Variants in HDAC9 observed in about 807,000 individuals in gnomAD.
The protein encoded by HDAC9 is histone deacetylase 9, also known as MEF-2 interacting transcription repressor (MITR) protein.
HDAC9 carries 41 observed loss-of-function variants against 139.4 expected under a neutral mutation model. That is an observed-to-expected ratio of 0.29 (90% CI 0.23 to 0.38). HDAC9 has a LOEUF of 0.38. Among genes scored for constraint, HDAC9 ranks in the 10% least tolerant of loss-of-function variants. The pLI is 1.00. For missense variants in HDAC9, 1,147 were observed against 1,297.0 expected, an observed-to-expected ratio of 0.88 and a Z score of 1.78; for synonymous variants, 517 against 476.2, an observed-to-expected ratio of 1.09 and a Z score of -1.12.
chr7:18,446,338 A>G (rs1316231117), intron 1 of HDAC9, among the ~76,000 whole-genome samples: 3 of 152,214 alleles, frequency 2.0e-5, no homozygotes, highest in Non-Finnish European at 4.4e-5. Flanking sequence ...GCCATGCATC[A>G]GCATTGGTCA....
chr7:18,580,563 C>T (rs1376693221), intron 2 of HDAC9, among the ~76,000 whole-genome samples: 4 of 152,122 alleles, frequency 2.6e-5, no homozygotes, highest in Admixed American at 2.6e-4. Flanking sequence ...TTACATGTGT[C>T]ACAAGGTCTT....
chr7:18,412,881 T>C (rs1788703715), intron 1 of HDAC9, among the ~76,000 whole-genome samples: 2 of 152,236 alleles, frequency 1.3e-5, no homozygotes, highest in Non-Finnish European at 2.9e-5. Flanking sequence ...GATTATTTAT[T>C]TTTTAAAATT....
At position 18,305,075 on chromosome 7, in the gene HDAC9, G is replaced by A. The variant is rs1798820299; in HGVS notation, c.-42+14560G>A. The stretch of plus-strand genomic sequence containing the variant: ...CTCACACACTCTTCCTTCAGGGCAG[G>A]AAGACCTTCTCTGACCCACCAATCT... On this transcript the variant is annotated intron_variant, in intron 1 of 3. Coordinates refer to the HDAC9 transcript ENST00000413509. Among the ~76,000 whole-genome samples, 3 of 152,164 alleles carry A rather than the reference G, an allele frequency of 2.0e-5. No individual in the cohort carries two copies. In the South Asian group the frequency reaches 6.2e-4, roughly 32 times the overall value.
intron 1 of HDAC9, among the ~76,000 whole-genome samples, chr7:18,482,789 G>C (rs1320893494): frequency 6.6e-6 from 1 of 152,166 alleles, no homozygotes; most frequent in Non-Finnish European, 1.5e-5. Context: ...CAGCTCATGG[G>C]TGTCCTGTCC....
intron 6 of HDAC9, among the ~76,000 whole-genome samples, chr7:18,627,398 C>T (rs931790664): frequency 7.2e-5 from 11 of 152,078 alleles, no homozygotes; most frequent in African/African-American, 2.7e-4. Flanking sequence ...GTAGTTAGCA[C>T]CTAGGGATTC....
chr7:18,979,051 A>G (rs562147100), intron 25 of HDAC9, among the ~76,000 whole-genome samples: 3 of 152,312 alleles, frequency 2.0e-5, no homozygotes, highest in East Asian at 3.9e-4. Context: ...AACAAAATCC[A>G]GAATAGTTGT....
chr7:18,721,041 A>G (rs1244921808), intron 12 of HDAC9, among the ~76,000 whole-genome samples: 1 of 152,014 alleles, frequency 6.6e-6, no homozygotes, highest in Non-Finnish European at 1.5e-5. Flanking sequence ...CTTCTTCTAC[A>G]AAAATGTAGT....
At chr7:18,382,743 C>A (rs927418339) in intron 1 of HDAC9, among the ~76,000 whole-genome samples, 1 of 152,118 alleles carries the variant, frequency 6.6e-6, no homozygotes, top group African/African-American at 2.4e-5. Context: ...ATGTAAAATA[C>A]ATATAAAAGT....
At chr7:18,718,543 C>G (rs1784887697) in intron 12 of HDAC9, among the ~76,000 whole-genome samples, 1 of 152,076 alleles carries the variant, frequency 6.6e-6, no homozygotes, top group African/African-American at 2.4e-5. Context: ...GGTGTGTGGT[C>G]TTTTGTGACT....
In HDAC9 at chr7:18,591,471, GTGTA is replaced by G. The variant is rs757370790; in HGVS notation, c.416-41_416-38del. The G allele has an allele frequency of 2.6e-4, 380 of 1,486,432 alleles. No homozygotes were observed. The African/African-American group carries it at 4.5e-3, about 18-fold the overall frequency. 92.1% of individuals were successfully genotyped at this position (1,486,432 alleles called of 1,614,324 possible). On this transcript the variant is annotated intron_variant, in intron 4 of 25. Coordinates refer to ENST00000686413, the MANE Select transcript of HDAC9 (RefSeq NM_178425.4). ...TCACCATCAACATCTGTTTCTGTGTGTGTATGTGTGTGTGTGTGTGTGTGTGTGT... is the reference window on the plus strand; with the variant it reads ...TCACCATCAACATCTGTTTCTGTGTGTGTGTGTGTGTGTGTGTGTGTGTGT...
At chr7:18,274,113 A>G (rs1364283061) in intron 2 of HDAC9, among the ~76,000 whole-genome samples, 3 of 152,230 alleles carry the variant, frequency 2.0e-5, no homozygotes, top group Non-Finnish European at 4.4e-5. Flanking sequence ...ATACAAAGGG[A>G]CATGTACAGG....
rs113476423 is a variant in HDAC9, at chr7:18,822,632, C to A, written c.2323-6529C>A. On this transcript the variant is annotated intron_variant, in intron 17 of 25. Coordinates refer to ENST00000686413, the MANE Select transcript of HDAC9 (RefSeq NM_178425.4). ...CCTCCCAAAATGCTGGGATTACAGG[C>A]GTGAGCCAGCACACCTGGCCACATA... Among the ~76,000 whole-genome samples the A allele has an allele frequency of 3.0e-3, 459 of 152,066 alleles. 2 individuals are homozygous for A. The highest frequency in any genetic ancestry group is 0.01 in the African/African-American group (426 of 41,432).
intron 21 of HDAC9, among the ~76,000 whole-genome samples, chr7:18,874,125 T>C (rs1319675363): frequency 6.6e-6 from 1 of 152,102 alleles, no homozygotes; most frequent in African/African-American, 2.4e-5. Flanking sequence ...CTTTCCTCTG[T>C]AAAACATTAG....
intron 25 of HDAC9, among the ~76,000 whole-genome samples, chr7:18,984,561 T>A (rs928873599): frequency 9.2e-5 from 14 of 151,956 alleles, no homozygotes; most frequent in African/African-American, 3.1e-4. Flanking sequence ...ATGGTAATTG[T>A]GGTAAAGAAG....
intron 1 of HDAC9, among the ~76,000 whole-genome samples, chr7:18,154,782 T>C (rs546685200): frequency 6.6e-6 from 1 of 152,356 alleles, no homozygotes; most frequent in East Asian, 1.9e-4. Context: ...AAGAGAATCA[T>C]ATCACTCTTA....
chr7:18,852,362 G>A (rs752193518), intron 21 of HDAC9, among the ~76,000 whole-genome samples: 2 of 152,192 alleles, frequency 1.3e-5, no homozygotes, highest in Non-Finnish European at 2.9e-5. Flanking sequence ...GCATGTCCAG[G>A]AACTTGAGGA....
intron 1 of HDAC9, among the ~76,000 whole-genome samples, chr7:18,358,414 G>T (rs998333224): frequency 6.6e-6 from 1 of 152,192 alleles, no homozygotes; most frequent in Admixed American, 6.5e-5. Flanking sequence ...GCTATGTTGA[G>T]ACAGTAGTTA....
At chr7:18,424,117 C>G (rs1789892314) in intron 1 of HDAC9, among the ~76,000 whole-genome samples, 1 of 152,112 alleles carries the variant, frequency 6.6e-6, no homozygotes, top group African/African-American at 2.4e-5. Flanking sequence ...TATGACATTC[C>G]ACGTTACTGA....
intron 1 of HDAC9, among the ~76,000 whole-genome samples, chr7:18,337,422 AT>A (rs985263207): frequency 1.3e-5 from 2 of 151,680 alleles, no homozygotes; most frequent in Non-Finnish European, 3.0e-5. Flanking sequence ...AAAGCAGCTT[AT>A]TTTTTTAACA....
Sources: gnomAD v4.1 joint callset for allele counts (sites outside exome capture counted in the v4.1 genomes callset) on GRCh38, gnomAD v4.1.1 for gene constraint, MANE v1.5 for transcripts, NCBI Gene and HGNC (gene_info 2026-07-23, HGNC 2026-07-21) for gene names.